The following ANO4 variants were observed in gnomAD, a reference collection of about 807,000 sequenced individuals.
ANO4 encodes the protein anoctamin-4.
Under a neutral mutation model 141.9 loss-of-function variants are expected in ANO4, and 69 were observed. That is an observed-to-expected ratio of 0.49 (90% CI 0.40 to 0.59). The LOEUF (loss-of-function observed/expected upper bound fraction) is 0.59. ANO4 is among the 20% of genes least tolerant of loss of function. The probability of loss-of-function intolerance (pLI) is 0.00; values close to 1 mark genes in which losing one functional copy is unlikely to be tolerated. For synonymous variants in ANO4, 350 were observed against 394.3 expected (o/e 0.89, Z 1.33); for missense variants, 894 against 1,162.2 (o/e 0.77, Z 3.36).
intron 21 of ANO4, among the ~76,000 whole-genome samples, chr12:101,099,219 C>G (rs1177285301): frequency 6.6e-6 from 1 of 152,128 alleles, no homozygotes; most frequent in Non-Finnish European, 1.5e-5. Context: ...CTCAAGGGTC[C>G]TAAATCAAGC....
chr12:101,048,490 A>G, intron 14 of ANO4, 89 bp downstream of exon 14: 2 of 1,210,180 alleles, frequency 1.7e-6, no homozygotes, highest in South Asian at 2.8e-5. Flanking sequence ...TGTGAAAGAA[A>G]GAAGCTTGAG....
chr12:101,123,540 A>G (rs1211599025), intron 26 of ANO4, among the ~76,000 whole-genome samples: 1 of 133,768 alleles, frequency 7.5e-6, no homozygotes, highest in Non-Finnish European at 1.5e-5. Flanking sequence ...CTCATCATTC[A>G]GCTCCCACTT....
chr12:100,859,108 G>T (rs1231686558), intron 1 of ANO4: 1 of 152,126 alleles, frequency 6.6e-6, no homozygotes, highest in Non-Finnish European at 1.5e-5. Context: ...CTGTTCACAA[G>T]TATATGGCTC....
intron 7 of ANO4, among the ~76,000 whole-genome samples, chr12:100,976,235 C>A (rs1286599808): frequency 6.6e-6 from 1 of 152,100 alleles, no homozygotes; most frequent in African/African-American, 2.4e-5. Context: ...TTCAGGTTCC[C>A]TCTGTTTATA....
intron 1 of ANO4, among the ~76,000 whole-genome samples, chr12:100,822,027 A>G (rs1400414395): frequency 2.0e-5 from 3 of 151,926 alleles, no homozygotes; most frequent in Non-Finnish European, 4.4e-5. Flanking sequence ...GGGCATCTTT[A>G]GTGTTCTGGT....
intron 3 of ANO4, among the ~76,000 whole-genome samples, chr12:100,765,685 G>T (rs6419382): frequency 2.8e-5 from 4 of 141,266 alleles, no homozygotes; most frequent in East Asian, 2.0e-4. Flanking sequence ...CTTTGTTTAT[G>T]TTTTCAAAAA....
At chr12:100,851,152 G>C (rs1041940791) in intron 1 of ANO4, among the ~76,000 whole-genome samples, 4 of 152,166 alleles carry the variant, frequency 2.6e-5, no homozygotes, top group African/African-American at 9.6e-5. Context: ...GATGCTTCCA[G>C]AGTAAGACTC....
chr12:101,038,014 C>CT (rs35252877), intron 10 of ANO4, among the ~76,000 whole-genome samples: 45,132 of 151,746 alleles, frequency 0.3, 7,398 homozygotes, highest in Non-Finnish European at 0.38. Flanking sequence ...CCAAAACATA[C>CT]TTTTTTTTGG....
chr12:101,078,136 AT>A (rs950682761), intron 14 of ANO4, among the ~76,000 whole-genome samples: 1 of 152,156 alleles, frequency 6.6e-6, no homozygotes, highest in African/African-American at 2.4e-5. Flanking sequence ...AAGTAATTAT[AT>A]TTTTTTGACA....
intron 1 of ANO4, among the ~76,000 whole-genome samples, chr12:100,835,417 C>A (rs145920811): frequency 6.6e-6 from 1 of 152,030 alleles, no homozygotes; most frequent in East Asian, 1.9e-4. Flanking sequence ...AAGCCACAGA[C>A]GGTTGAAGAG....
At chr12:100,820,191 C>G (rs1188675338) in intron 1 of ANO4, among the ~76,000 whole-genome samples, 1 of 151,802 alleles carries the variant, frequency 6.6e-6, no homozygotes, top group Non-Finnish European at 1.5e-5. Context: ...AGGGGGGGCC[C>G]TCCCACCTGA....
At chr12:100,718,469 G>C (rs145548488) in intron 1 of ANO4, among the ~76,000 whole-genome samples, 92 of 152,296 alleles carry the variant, frequency 6.0e-4, no homozygotes, top group Admixed American at 1.1e-3. Flanking sequence ...ATGTTCTGCA[G>C]GGACATCTCA....
At chr12:101,107,658 G>C (rs1274938187) in intron 22 of ANO4, among the ~76,000 whole-genome samples, 1 of 152,160 alleles carries the variant, frequency 6.6e-6, no homozygotes, top group Non-Finnish European at 1.5e-5. Context: ...ATGAGGCTTG[G>C]AAGTTTGCTT....
chr12:100,988,872 G>GAAAAAAAAAAAAAAAAAAAAAAAAAAA lies in ANO4; in HGVS notation c.734+1218_734+1219insAAAAAAAAAAAAAAAAAAAAAAAAAAA, dbSNP rs748666892. Among the ~76,000 whole-genome samples the GAAAAAAAAAAAAAAAAAAAAAAAAAAA allele has an allele frequency of 1.5e-4, 10 of 65,026 alleles. 1 individual carries two copies. The highest frequency in any genetic ancestry group is 2.6e-4 in the African/African-American group (4 of 15,488). 42.7% of individuals were successfully genotyped at this position (65,026 alleles called of 152,430 possible). On this transcript the variant is annotated intron_variant, in intron 8 of 27. Transcript: ENST00000392977. ...GGTGACAGAGTGAGACTCTGTCTCA[G>GAAAAAAAAAAAAAAAAAAAAAAAAAAA]AAAAAAAAAAAAAAAAGAAAGAAAA...
intron 3 of ANO4, among the ~76,000 whole-genome samples, chr12:100,759,720 G>T (rs1024710447): frequency 6.6e-6 from 1 of 152,126 alleles, no homozygotes; most frequent in Non-Finnish European, 1.5e-5. Context: ...TGTGCTAGAG[G>T]TCAAGGTTGT....
rs564743836 is a variant in ANO4, at chr12:100,876,358, A to G, written c.-140-25288A>G. Among the ~76,000 whole-genome samples the G allele has an allele frequency of 6.7e-5, 10 of 149,110 alleles. No individual in the cohort carries two copies. The South Asian group carries it at 2.1e-3, about 32-fold the overall frequency. ...CGACAAGAGCCATGTCCAAGGGTGG[A>G]GTGGGGGAGGATAAAAATCCTGTTG... On this transcript the variant is annotated intron_variant, in intron 1 of 27. Transcript: ENST00000392977.
At chr12:101,071,962 G>T (rs572639773) in intron 14 of ANO4, among the ~76,000 whole-genome samples, 7 of 152,134 alleles carry the variant, frequency 4.6e-5, no homozygotes, top group Admixed American at 4.6e-4. Flanking sequence ...CCTTAGTAAC[G>T]TGATGAATTA....
intron 24 of ANO4, among the ~76,000 whole-genome samples, chr12:101,115,996 C>A (rs1159628371): frequency 6.6e-6 from 1 of 152,062 alleles, no homozygotes; most frequent in Non-Finnish European, 1.5e-5. Flanking sequence ...CTAGTACAAG[C>A]GATCTGGTAA....
chr12:100,949,519 A>G (rs591134), intron 5 of ANO4, among the ~76,000 whole-genome samples: 45,004 of 152,162 alleles, frequency 0.3, 7,448 homozygotes, highest in Admixed American at 0.42. Context: ...GTAAGCATTT[A>G]GTAAACTTCA....
Sources: allele counts gnomAD v4.1 joint callset (sites outside exome capture counted in the v4.1 genomes callset), GRCh38; gene constraint gnomAD v4.1.1; transcripts MANE v1.5; gene names NCBI Gene and HGNC (gene_info 2026-07-23, HGNC 2026-07-21).